DLGAP1: variants seen among roughly 807,000 people sequenced by gnomAD.
DLGAP1 encodes disks large-associated protein 1.
DLGAP1 carries 11 observed loss-of-function variants against 90.8 expected under a neutral mutation model. That is an observed-to-expected ratio of 0.12 (90% CI 0.08 to 0.20). The LOEUF (loss-of-function observed/expected upper bound fraction) is 0.20, where lower values mean the gene tolerates loss of function less well. DLGAP1 is among the 10% of genes least tolerant of loss of function. DLGAP1 has a pLI of 1.00. For synonymous variants in DLGAP1, 558 were observed against 540.7 expected (o/e 1.03, Z -0.44); for missense variants, 1,050 against 1,333.8 (o/e 0.79, Z 3.31).
At chr18:4,241,772 T>C (rs764069816) in intron 1 of DLGAP1, among the ~76,000 whole-genome samples, 39 of 152,226 alleles carry the variant, frequency 2.6e-4, no homozygotes, top group Admixed American at 7.9e-4. Flanking sequence ...ATTGGTGTTG[T>C]CCTGAATATT....
At chr18:3,595,786 C>A (rs1213133366) in intron 7 of DLGAP1, among the ~76,000 whole-genome samples, 3 of 107,404 alleles carry the variant, frequency 2.8e-5, no homozygotes, top group Non-Finnish European at 6.1e-5. Flanking sequence ...TCCGTGTACA[C>A]AAGTGACTGC....
chr18:3,920,932 G>C (rs1014508153), intron 3 of DLGAP1, among the ~76,000 whole-genome samples: 1 of 152,150 alleles, frequency 6.6e-6, no homozygotes, highest in African/African-American at 2.4e-5. Context: ...AGGATTATTA[G>C]GTAACTTTTG....
At chr18:4,384,805 A>G (rs1369020300) in intron 1 of DLGAP1, among the ~76,000 whole-genome samples, 4 of 152,072 alleles carry the variant, frequency 2.6e-5, no homozygotes, top group East Asian at 1.9e-4. Context: ...ACAAAAATCT[A>G]TCTTATTCAC....
intron 1 of DLGAP1, among the ~76,000 whole-genome samples, chr18:4,348,300 T>C (rs773639446): frequency 2.0e-5 from 3 of 151,980 alleles, no homozygotes; most frequent in Non-Finnish European, 4.4e-5. Context: ...GTGAAGTTTC[T>C]CAATGTTAAA....
chr18:3,577,591 A>G (rs1408775583), intron 8 of DLGAP1, among the ~76,000 whole-genome samples: 3 of 152,364 alleles, frequency 2.0e-5, no homozygotes, highest in Admixed American at 6.5e-5. Context: ...TCCTCAATGC[A>G]TGAAAAAGAG....
chr18:3,875,855 G>C (rs1033596828), intron 4 of DLGAP1, among the ~76,000 whole-genome samples: 2 of 152,102 alleles, frequency 1.3e-5, no homozygotes, highest in Admixed American at 1.3e-4. Context: ...AGGAGGTCCA[G>C]AGAGCTGAAA....
chr18:3,645,193 G>C (rs2059075447), intron 7 of DLGAP1, among the ~76,000 whole-genome samples: 2 of 152,136 alleles, frequency 1.3e-5, no homozygotes, highest in South Asian at 4.2e-4. Flanking sequence ...CGACTTCCCA[G>C]GTGAGAGGAT....
At chr18:4,223,594 T>G (rs2144990149) in intron 1 of DLGAP1, among the ~76,000 whole-genome samples, 1 of 152,338 alleles carries the variant, frequency 6.6e-6, no homozygotes, top group Admixed American at 6.5e-5. Context: ...TCATCATTTA[T>G]TTTAATAAAT....
chr18:3,709,181 G>A (rs1354479796), intron 7 of DLGAP1, among the ~76,000 whole-genome samples: 2 of 152,060 alleles, frequency 1.3e-5, no homozygotes, highest in Non-Finnish European at 2.9e-5. Flanking sequence ...CTACATAGAA[G>A]AACCCAAGTC....
chr18:4,222,748 A>G (rs1317049609), intron 1 of DLGAP1, among the ~76,000 whole-genome samples: 1 of 151,862 alleles, frequency 6.6e-6, no homozygotes, highest in Non-Finnish European at 1.5e-5. Context: ...CAGAAAAAAA[A>G]AAATGATACA....
chr18:3,823,220 T>C (rs1364136602), intron 4 of DLGAP1, among the ~76,000 whole-genome samples: 5 of 152,166 alleles, frequency 3.3e-5, no homozygotes, highest in East Asian at 1.9e-4. Context: ...CCTGGCTTCA[T>C]TGCTTGGCTC....
At chr18:4,168,513 C>T (rs2076969802) in intron 1 of DLGAP1, among the ~76,000 whole-genome samples, 1 of 152,028 alleles carries the variant, frequency 6.6e-6, no homozygotes, top group Admixed American at 6.6e-5. Context: ...TTTCACCTTC[C>T]CAAACTAAAA....
chr18:4,281,830 G>A (rs1271274624), intron 1 of DLGAP1, among the ~76,000 whole-genome samples: 2 of 151,978 alleles, frequency 1.3e-5, no homozygotes, highest in Non-Finnish European at 2.9e-5. Flanking sequence ...TGCATAAGAT[G>A]TACACATATT....
At chr18:4,286,778 C>A (rs182967238) in intron 1 of DLGAP1, among the ~76,000 whole-genome samples, 71 of 151,992 alleles carry the variant, frequency 4.7e-4, no homozygotes, top group Admixed American at 1.7e-3. Context: ...ATAAGCAAGA[C>A]AAATGAGGGA....
intron 1 of DLGAP1, among the ~76,000 whole-genome samples, chr18:4,190,260 C>G (rs1287431350): frequency 1.3e-5 from 2 of 152,114 alleles, no homozygotes; most frequent in East Asian, 3.9e-4. Context: ...AGAAGGAAGT[C>G]TTAATAAGCT....
At chr18:3,785,008 A>AT (rs1402745769) in intron 5 of DLGAP1, among the ~76,000 whole-genome samples, 8 of 152,186 alleles carry the variant, frequency 5.3e-5, no homozygotes, top group African/African-American at 1.9e-4. Context: ...CTTTAAAAAA[A>AT]ATCCACCTTA....
chr18:3,684,215 G>A (rs1395060404), intron 7 of DLGAP1, among the ~76,000 whole-genome samples: 6 of 151,350 alleles, frequency 4.0e-5, no homozygotes, highest in South Asian at 4.2e-4. Context: ...TTTGAGACAA[G>A]GTCTCACTCT....
At chr18:3,831,627 T>C (rs749667331) in intron 4 of DLGAP1, among the ~76,000 whole-genome samples, 3 of 152,220 alleles carry the variant, frequency 2.0e-5, no homozygotes, top group Non-Finnish European at 2.9e-5. Context: ...CTTCTTCACA[T>C]ACAAACAAAG....
At chr18:3,796,159 TAGAG>T (rs74502546) in intron 5 of DLGAP1, among the ~76,000 whole-genome samples, 30,150 of 151,930 alleles carry the variant, frequency 0.2, 3,070 homozygotes, top group Admixed American at 0.24. Context: ...AATGCAGACA[TAGAG>T]AGAGAGAAAT....
Sources: allele counts gnomAD v4.1 joint callset (sites outside exome capture counted in the v4.1 genomes callset), GRCh38; gene constraint gnomAD v4.1.1; transcripts MANE v1.5; gene names NCBI Gene and HGNC (gene_info 2026-07-23, HGNC 2026-07-21).